SIRPA: variants seen among roughly 807,000 people sequenced by gnomAD.
SIRPA encodes the protein tyrosine-protein phosphatase non-receptor type substrate 1.
Under a neutral mutation model 50.3 loss-of-function variants are expected in SIRPA, and 9 were observed. The ratio of observed to expected loss-of-function variants is 0.18; its 90% CI spans 0.11 to 0.31. The LOEUF (loss-of-function observed/expected upper bound fraction) is 0.31, where lower values mean the gene tolerates loss of function less well. Ranked by LOEUF, SIRPA falls within the 10% of genes least tolerant of loss-of-function variation. The pLI is 1.00. For synonymous variants in SIRPA, 265 were observed against 284.1 expected, an observed-to-expected ratio of 0.93 and a Z score of 0.68; for missense variants, 474 against 661.6, an observed-to-expected ratio of 0.72 and a Z score of 3.11.
intron 2 of SIRPA, among the ~76,000 whole-genome samples, chr20:1,919,439 C>T (rs1336819641): frequency 1.3e-5 from 2 of 152,154 alleles, no homozygotes; most frequent in African/African-American, 4.8e-5. Context: ...TGCTTCTGAA[C>T]AACGTGCACC....
At chr20:1,895,892 G>C (rs6075305) in intron 1 of SIRPA, among the ~76,000 whole-genome samples, 82,078 of 152,074 alleles carry the variant, frequency 0.54, 23,832 homozygotes, top group African/African-American at 0.75. Context: ...CCCAGAATCT[G>C]TCCCCATGGA....
intron 7 of SIRPA, among the ~76,000 whole-genome samples, chr20:1,935,271 G>T (rs1986514096): frequency 6.6e-6 from 1 of 152,222 alleles, no homozygotes; most frequent in South Asian, 2.1e-4. Flanking sequence ...TTTCTGGTCA[G>T]CATTGCTGAG....
At position 1,927,847 on chromosome 20, in the gene SIRPA, A is replaced by G; in HGVS notation, c.1202-28A>G. 6.2e-7 allele frequency: 1 copy of G among 1,612,946 alleles called. No individual in the cohort carries two copies. Among genetic ancestry groups the G allele is most frequent in the Non-Finnish European group, 8.5e-7 (1 of 1,178,898 alleles). The stretch of plus-strand genomic sequence containing the variant: ...AGAAAAGTGTGCTTCTAGTTAAACA[A>G]CTGGCTTTTGTTTCTTTTGTCTTTC... On this transcript the variant is annotated intron_variant, in intron 5 of 7. Transcript: ENST00000358771. This position sits in a 1 kb window ranked among gnomAD's most constrained non-coding sequence, Gnocchi z 6.5.
Position 1,927,267 on chromosome 20 carries a change from T to G in SIRPA, c.1202-608T>G, listed in dbSNP as rs1244706010. Among the ~76,000 whole-genome samples, 1 of 152,236 alleles carries G rather than the reference T, an allele frequency of 6.6e-6. No homozygotes were observed. The highest frequency in any genetic ancestry group is 1.9e-4 in the East Asian group (1 of 5,194). ...CTGCTGAACCCTGGAGGCTTCTCTG[T>G]GGGTTACCCCATATCACAGGTTTAA... On this transcript the variant is annotated intron_variant, in intron 5 of 7. Coordinates refer to ENST00000358771, the MANE Select transcript of SIRPA (RefSeq NM_001040023.2). The surrounding 1 kb of genome is among the most constrained non-coding windows in gnomAD (Gnocchi z 6.5).
At chr20:1,899,914 A>T (rs1473430171) in intron 1 of SIRPA, among the ~76,000 whole-genome samples, 1 of 152,232 alleles carries the variant, frequency 6.6e-6, no homozygotes, top group African/African-American at 2.4e-5. Context: ...CACTCAATAC[A>T]TATTAACCAG....
At chr20:1,925,262 G>A (rs898243428) in intron 5 of SIRPA, among the ~76,000 whole-genome samples, 3 of 152,242 alleles carry the variant, frequency 2.0e-5, no homozygotes, top group Admixed American at 1.3e-4. Flanking sequence ...TACATGACCA[G>A]TCCCTGGACA....
chr20:1,895,618 A>G (rs554244933), intron 1 of SIRPA, 92 bp downstream of exon 1: 2 of 995,654 alleles, frequency 2.0e-6, no homozygotes, highest in South Asian at 4.6e-5. Context: ...GCTAATGCCG[A>G]GCAGTAATAG....
At chr20:1,901,989 G>A (rs1984243345) in intron 1 of SIRPA, among the ~76,000 whole-genome samples, 1 of 152,220 alleles carries the variant, frequency 6.6e-6, no homozygotes, top group South Asian at 2.1e-4. Flanking sequence ...GCCCGTGGTG[G>A]AAGGAAATAC....
chr20:1,928,026 T>G lies in SIRPA; in HGVS notation c.1226+127T>G. The G allele has an allele frequency of 1.2e-6, 1 of 841,860 alleles. No homozygotes were observed. The highest frequency in any genetic ancestry group is 2.1e-6 in the Non-Finnish European group (1 of 484,266). The allele number at this position is 841,860 out of a possible 1,614,324, so 52.1% of individuals were successfully genotyped here. A position where few individuals can be genotyped will look rare whatever the true frequency, so the allele number is the denominator to read the frequency against. ...GTGTTGGTCAACATGTCTCTTTCTC[T>G]CCTTTGTAACCTCCTCACACTGGGT... On this transcript the variant is annotated intron_variant, in intron 6 of 7. Transcript: ENST00000358771. This position sits in a 1 kb window ranked among gnomAD's most constrained non-coding sequence, Gnocchi z 4.9.
chr20:1,903,121 G>A (rs1357987573), intron 1 of SIRPA, among the ~76,000 whole-genome samples: 5 of 152,108 alleles, frequency 3.3e-5, no homozygotes, highest in African/African-American at 1.2e-4. Flanking sequence ...AAGGCCCTGA[G>A]GCAGGAATGA....
intron 5 of SIRPA, among the ~76,000 whole-genome samples, chr20:1,925,408 T>C (rs190268844): frequency 2.0e-5 from 3 of 152,374 alleles, no homozygotes; most frequent in East Asian, 3.9e-4. Flanking sequence ...ATTACCCGTA[T>C]TGTATGTGAG....
intron 2 of SIRPA, among the ~76,000 whole-genome samples, chr20:1,919,631 A>G (rs987933593): frequency 3.3e-5 from 5 of 152,006 alleles, no homozygotes; most frequent in African/African-American, 1.2e-4. Flanking sequence ...AAATCCTTCC[A>G]ATTCGGCCCC....
chr20:1,914,955 C>T (rs66600581), intron 1 of SIRPA, 144 bp from the exon 2 acceptor site: 267,830 of 732,424 alleles, frequency 0.37, 53,919 homozygotes, highest in East Asian at 0.65. Context: ...TTGTGAGGGT[C>T]AAATGAGATG....
At position 1,934,390 on chromosome 20, in the gene SIRPA, G is replaced by T. The variant is rs1986457014; in HGVS notation, c.1227-325G>T. Among the ~76,000 whole-genome samples, 1 of 152,160 alleles carries T rather than the reference G, an allele frequency of 6.6e-6. No individual in the cohort carries two copies. Among genetic ancestry groups the T allele is most frequent in the African/African-American group, 2.4e-5 (1 of 41,424 alleles). ...TTGCCAGCTGCTTCCCAAAAGGATTGTACTGGTTTGCCTCTCCCACCAGTG... is the reference window on the plus strand; with the variant it reads ...TTGCCAGCTGCTTCCCAAAAGGATTTTACTGGTTTGCCTCTCCCACCAGTG... On this transcript the variant is annotated intron_variant, in intron 6 of 7. Coordinates refer to ENST00000358771, the MANE Select transcript of SIRPA (RefSeq NM_001040023.2). This position sits in a 1 kb window ranked among gnomAD's most constrained non-coding sequence, Gnocchi z 4.6.
Position 1,921,588 on chromosome 20 carries a change from C to T in SIRPA, c.630C>T (p.His210=), listed in dbSNP as rs376708696. Residue 210 remains histidine, a synonymous_variant, in exon 3 of 8, where the codon CAC becomes CAT. Transcript: ENST00000358771. Reference sequence around the variant, plus strand: ...GAGAGAGCGTGTCCTACAGCATCCACAGCACAGCCAAGGTGGTGCTGACCC... The same window carrying T: ...GAGAGAGCGTGTCCTACAGCATCCATAGCACAGCCAAGGTGGTGCTGACCC... ...PVGESVSYSI[H]STAKVVLTRE... is the part of the protein sequence containing the mutation. 9 of 1,614,134 alleles carry T rather than the reference C, an allele frequency of 5.6e-6. No homozygotes were observed. The African/African-American group carries it at 1.1e-4, about 19-fold the overall frequency.
Position 1,937,565 on chromosome 20 carries a change from G to T in SIRPA, c.1512G>T (p.Lys504Asn), listed in dbSNP as rs553964074. 9 of 1,614,070 alleles carry T rather than the reference G, an allele frequency of 5.6e-6. No homozygotes were observed. The East Asian group carries it at 2.0e-4, about 36-fold the overall frequency. Residue 504 changes from lysine to asparagine, a missense_variant, in exon 8 of 8, where the codon AAG (lysine) becomes AAT (asparagine). Lys to Asn is a moderately conservative substitution (Grantham distance 94). This residue lies in a region of SIRPA where 180 missense variants were observed against 206.7 expected (regional missense o/e 0.87). Transcript: ENST00000358771. The surrounding 1 kb of genome is among the most constrained non-coding windows in gnomAD (Gnocchi z 8.3). The stretch of plus-strand genomic sequence containing the variant: ...ACGCCAGCGTCCAGGTCCCGAGGAA[G>T]TGAATGGGACCGTGGTTTGCTCTAG... ...SEYASVQVPR[K>N]
Position 1,940,072 on chromosome 20 carries a change from T to C in SIRPA, c.*2504T>C. The C allele has an allele frequency of 6.6e-6, 1 of 152,254 alleles. No individual in the cohort carries two copies. Among genetic ancestry groups the C allele is most frequent in the South Asian group, 2.1e-4 (1 of 4,830 alleles). The allele number at this position is 152,254 out of a possible 1,614,324, so 9.4% of individuals were successfully genotyped here. A position where few individuals can be genotyped will look rare whatever the true frequency, so the allele number is the denominator to read the frequency against. On this transcript the variant is annotated 3_prime_UTR_variant, in exon 8 of 8. Coordinates refer to ENST00000358771, the MANE Select transcript of SIRPA (RefSeq NM_001040023.2). ...AGAGACGTACAATTTTTGTTTGCCC[T>C]GGCTCAGAAGGAGCCGGTGTAAGGT...
intron 1 of SIRPA, among the ~76,000 whole-genome samples, chr20:1,900,073 TTGA>T (rs1984082085): frequency 6.6e-6 from 1 of 151,976 alleles, no homozygotes; most frequent in Non-Finnish European, 1.5e-5. Flanking sequence ...GTCCTTCAGC[TTGA>T]TATTTTCCTT....
intron 1 of SIRPA, among the ~76,000 whole-genome samples, chr20:1,896,953 C>G (rs1363821293): frequency 2.0e-5 from 3 of 152,202 alleles, no homozygotes; most frequent in Non-Finnish European, 4.4e-5. Context: ...GCCATCCTTC[C>G]TGGCCTGGAA....
Sources: allele counts gnomAD v4.1 joint callset (sites outside exome capture counted in the v4.1 genomes callset), GRCh38; gene constraint gnomAD v4.1.1; regional missense constraint gnomAD v4.1.1; non-coding constraint Gnocchi (gnomAD v3.1); transcripts MANE v1.5; gene names NCBI Gene and HGNC (gene_info 2026-07-23, HGNC 2026-07-21).